Variants in ZFHX3 observed in about 807,000 individuals in gnomAD.
ZFHX3 encodes the protein zinc finger homeobox 3.
Under a neutral mutation model 279.1 loss-of-function variants are expected in ZFHX3, and 42 were observed. The ratio of observed to expected loss-of-function variants is 0.15; its 90% CI spans 0.12 to 0.19. The LOEUF is 0.19. Ranked by LOEUF, ZFHX3 falls within the 10% of genes least tolerant of loss-of-function variation. The pLI is 1.00. For synonymous variants in ZFHX3, 2,293 were observed against 1,957.8 expected (o/e 1.17, Z -4.52); for missense variants, 4,981 against 4,754.0 (o/e 1.05, Z -1.40).
At chr16:73,448,994 T>A (rs1410329106) in intron 3 of ZFHX3, among the ~76,000 whole-genome samples, 2 of 152,178 alleles carry the variant, frequency 1.3e-5, no homozygotes, top group Admixed American at 6.5e-5. Context: ...GGAAGTATGT[T>A]TCATAGAATA....
chr16:73,416,787 T>A (rs201154429), intron 3 of ZFHX3, among the ~76,000 whole-genome samples: 1 of 146,164 alleles, frequency 6.8e-6, no homozygotes, highest in East Asian at 2.0e-4. Context: ...AGCAGGAGAA[T>A]GGCGTGAACT....
chr16:72,889,792 T>C lies in ZFHX3; in HGVS notation c.3387A>G (p.Pro1129=). The change falls in exon 4 of 10, where the codon CCA becomes CCG. Residue 1129 remains proline, a synonymous_variant. Coordinates refer to ENST00000268489, the MANE Select transcript of ZFHX3 (RefSeq NM_006885.4). ...RKLQRLQKGL[P]EEDEDLGQIF... ...TCTGCCCCAGGTCCTCGTCCTCCTC[T>C]GGAAGGCCCTTCTGCAGCCGCTGCA... The C allele has an allele frequency of 6.2e-7, 1 of 1,613,592 alleles. No homozygotes were observed. Among genetic ancestry groups the C allele is most frequent in the South Asian group, 1.1e-5 (1 of 91,058 alleles).
At chr16:73,532,581 G>A (rs1483517942) in intron 2 of ZFHX3, among the ~76,000 whole-genome samples, 1 of 152,162 alleles carries the variant, frequency 6.6e-6, no homozygotes, top group Non-Finnish European at 1.5e-5. Context: ...AGGAGGGCTG[G>A]AACTAAGCTG....
chr16:73,075,754 C>G (rs1965880882), intron 8 of ZFHX3, among the ~76,000 whole-genome samples: 2 of 152,100 alleles, frequency 1.3e-5, no homozygotes, highest in South Asian at 4.2e-4. Context: ...TTGCCTCAGC[C>G]TCCCGAGTAA....
intron 2 of ZFHX3, among the ~76,000 whole-genome samples, chr16:73,597,703 G>T (rs1015658297): frequency 9.9e-5 from 15 of 152,156 alleles, no homozygotes; most frequent in Non-Finnish European, 1.9e-4. Flanking sequence ...GACAAGCATG[G>T]AACAGACTCT....
chr16:72,943,283 C>T lies in ZFHX3; in HGVS notation c.3216+7186G>A, dbSNP rs572069865. On this transcript the variant is annotated intron_variant, in intron 3 of 9. Coordinates refer to ENST00000268489, the MANE Select transcript of ZFHX3 (RefSeq NM_006885.4). The stretch of plus-strand genomic sequence containing the variant: ...GCGTGGGGGCTCACACCTGTAATCT[C>T]GGCACTCTAGGAGGCCAAGGTGGGT... Among the ~76,000 whole-genome samples the T allele has an allele frequency of 5.3e-5, 8 of 152,284 alleles. No homozygotes were observed. The South Asian group carries it at 8.3e-4, about 16-fold the overall frequency.
At chr16:73,245,920 G>A (rs1403114236) in intron 5 of ZFHX3, among the ~76,000 whole-genome samples, 2 of 152,148 alleles carry the variant, frequency 1.3e-5, no homozygotes, top group African/African-American at 2.4e-5. Flanking sequence ...AGAGGGTTGA[G>A]TCCTTGGGCG....
At chr16:73,025,418 T>C (rs1964462481) in intron 1 of ZFHX3, among the ~76,000 whole-genome samples, 1 of 152,342 alleles carries the variant, frequency 6.6e-6, no homozygotes, top group Non-Finnish European at 1.5e-5. Context: ...TAAATTGCTA[T>C]TGGCTTCTCA....
intron 4 of ZFHX3, among the ~76,000 whole-genome samples, chr16:73,317,932 A>G (rs1246769711): frequency 6.6e-6 from 1 of 152,222 alleles, no homozygotes; most frequent in Admixed American, 6.5e-5. Flanking sequence ...AGCCAGAGTG[A>G]TACTGACAAT....
intron 4 of ZFHX3, among the ~76,000 whole-genome samples, chr16:72,865,383 G>T (rs942255195): frequency 2.0e-4 from 31 of 152,338 alleles, no homozygotes; most frequent in African/African-American, 7.5e-4. Context: ...CCCGAGTTGG[G>T]CTCTGAGTGC....
At chr16:73,237,528 CT>C (rs886922274) in intron 5 of ZFHX3, among the ~76,000 whole-genome samples, 4,069 of 84,204 alleles carry the variant, frequency 0.048, 46 homozygotes, top group African/African-American at 0.11. Flanking sequence ...CAAATGCAGC[CT>C]TTTTTTTTTT....
chr16:73,295,308 T>G (rs1278334676), intron 4 of ZFHX3, among the ~76,000 whole-genome samples: 1 of 152,256 alleles, frequency 6.6e-6, no homozygotes. Flanking sequence ...GGGACGATTT[T>G]GAATCTCTGC....
chr16:73,403,934 G>C (rs1399333622), intron 3 of ZFHX3, among the ~76,000 whole-genome samples: 2 of 151,990 alleles, frequency 1.3e-5, no homozygotes, highest in African/African-American at 4.8e-5. Context: ...TCTGTCTTTG[G>C]ATCTTGGGAT....
chr16:73,055,549 T>C (rs959269878), intron 1 of ZFHX3, among the ~76,000 whole-genome samples: 1 of 152,050 alleles, frequency 6.6e-6, no homozygotes, highest in African/African-American at 2.4e-5. Context: ...AGATTCAAAC[T>C]CAATGTGACC....
intron 4 of ZFHX3, among the ~76,000 whole-genome samples, chr16:72,876,738 A>AAAT (rs1567559953): frequency 1.3e-5 from 2 of 152,090 alleles, no homozygotes; most frequent in African/African-American, 4.8e-5. Flanking sequence ...CTGCTTTTCA[A>AAAT]TTTTTTTCCC....
intron 5 of ZFHX3, among the ~76,000 whole-genome samples, chr16:73,211,310 G>A (rs1398229849): frequency 6.6e-6 from 1 of 152,074 alleles, no homozygotes; most frequent in Non-Finnish European, 1.5e-5. Flanking sequence ...CTGGGCACTG[G>A]GCTTCTTTCT....
chr16:73,313,222 C>T (rs533735698), intron 4 of ZFHX3, among the ~76,000 whole-genome samples: 1 of 152,306 alleles, frequency 6.6e-6, no homozygotes, highest in East Asian at 1.9e-4. Context: ...CTGTAAGTTT[C>T]CTGAGGCCTC....
chr16:73,758,418 A>G (rs78189905), intron 1 of ZFHX3, among the ~76,000 whole-genome samples: 2 of 152,194 alleles, frequency 1.3e-5, no homozygotes, highest in Admixed American at 6.5e-5. Flanking sequence ...AGATAATACA[A>G]CTAAACTCTG....
intron 3 of ZFHX3, among the ~76,000 whole-genome samples, chr16:72,901,065 C>T (rs1010591396): frequency 2.0e-5 from 3 of 152,192 alleles, no homozygotes; most frequent in Non-Finnish European, 4.4e-5. Flanking sequence ...TGGCCTGCTC[C>T]AGATACTTCA....
Sources: gnomAD v4.1 joint callset for allele counts (sites outside exome capture counted in the v4.1 genomes callset) on GRCh38, gnomAD v4.1.1 for gene constraint, MANE v1.5 for transcripts, NCBI Gene and HGNC (gene_info 2026-07-23, HGNC 2026-07-21) for gene names.